The following CADM2 variants were observed in gnomAD, a reference collection of about 807,000 sequenced individuals.
CADM2 encodes the protein cell adhesion molecule 2.
A neutral mutation model predicts 49.8 loss-of-function variants in CADM2; 12 were observed. The observed-to-expected ratio is 0.24, with a 90% CI of 0.15 to 0.39. The LOEUF (loss-of-function observed/expected upper bound fraction) is 0.39, where lower values mean the gene tolerates loss of function less well. Ranked by LOEUF, CADM2 falls within the 10% of genes least tolerant of loss-of-function variation. The pLI is 1.00. For missense variants in CADM2, 378 were observed against 492.3 expected (o/e 0.77, Z 2.20); for synonymous variants, 214 against 175.4 (o/e 1.22, Z -1.74).
At chr3:85,398,130 A>G (rs933201868) in intron 1 of CADM2, among the ~76,000 whole-genome samples, 7 of 152,014 alleles carry the variant, frequency 4.6e-5, no homozygotes, top group East Asian at 1.9e-4. Flanking sequence ...AACATTAGGT[A>G]TATCTCCTAA....
intron 1 of CADM2, among the ~76,000 whole-genome samples, chr3:85,719,443 T>G (rs984521556): frequency 6.6e-6 from 1 of 152,198 alleles, no homozygotes; most frequent in Non-Finnish European, 1.5e-5. Context: ...TAGCCTGCTG[T>G]TGACTGGAAG....
chr3:85,744,863 G>A (rs2068550515), intron 2 of CADM2, among the ~76,000 whole-genome samples: 1 of 152,170 alleles, frequency 6.6e-6, no homozygotes, highest in Admixed American at 6.6e-5. Context: ...CTTTTACTCT[G>A]AGTGCAATGG....
intron 8 of CADM2, among the ~76,000 whole-genome samples, chr3:86,026,532 A>G (rs977540513): frequency 5.9e-5 from 9 of 152,090 alleles, no homozygotes; most frequent in South Asian, 2.1e-4. Flanking sequence ...TCACTCTCCA[A>G]TGATTTTGTT....
At chr3:85,679,636 A>C (rs2107653715) in intron 1 of CADM2, among the ~76,000 whole-genome samples, 1 of 152,210 alleles carries the variant, frequency 6.6e-6, no homozygotes, top group South Asian at 2.1e-4. Context: ...AACATGTTTG[A>C]CAATCTTTCC....
Position 85,866,555 on chromosome 3 carries a change from G to A in CADM2, c.239-16736G>A, listed in dbSNP as rs148622647. 3.7e-3 allele frequency among the ~76,000 whole-genome samples: 561 copies of A among 151,942 alleles called. 1 individual carries two copies. Among genetic ancestry groups the A allele is most frequent in the Admixed American group, 0.01 (154 of 15,226 alleles). On this transcript the variant is annotated intron_variant, in intron 3 of 9. Coordinates refer to ENST00000383699, the MANE Select transcript of CADM2 (RefSeq NM_001167675.2). ...TCACCTACGTATTTTATATCTGTAC[G>A]TTTAGTCTCCTTCAAATAAATTGCA...
At chr3:85,333,662 T>G (rs1444274330) in intron 1 of CADM2, among the ~76,000 whole-genome samples, 6 of 151,850 alleles carry the variant, frequency 4.0e-5, no homozygotes, top group Non-Finnish European at 8.9e-5. Flanking sequence ...CAATTGCTAT[T>G]TAAAATAGTT....
intron 2 of CADM2, 64 bp from the exon 3 acceptor site, chr3:85,801,983 A>T: frequency 7.1e-7 from 1 of 1,404,482 alleles, no homozygotes. Context: ...GCCAGTGTAG[A>T]TCTTAGGCAG....
At chr3:85,771,815 TATA>T (rs1263177813) in intron 2 of CADM2, among the ~76,000 whole-genome samples, 1 of 152,042 alleles carries the variant, frequency 6.6e-6, no homozygotes, top group Non-Finnish European at 1.5e-5. Flanking sequence ...ATGGCCGATC[TATA>T]ATGAGCTGAA....
intron 1 of CADM2, among the ~76,000 whole-genome samples, chr3:85,532,932 C>G (rs2061347497): frequency 6.6e-6 from 1 of 152,106 alleles, no homozygotes; most frequent in Non-Finnish European, 1.5e-5. Context: ...CATGTTCTCA[C>G]TTGTAAGTGG....
chr3:85,551,974 A>G (rs188418424), intron 1 of CADM2, among the ~76,000 whole-genome samples: 2 of 151,128 alleles, frequency 1.3e-5, no homozygotes, highest in East Asian at 3.9e-4. Context: ...TTGTGATTAT[A>G]TACACTTTTT....
chr3:85,169,225 C>G (rs373957840), intron 1 of CADM2, among the ~76,000 whole-genome samples: 1 of 152,066 alleles, frequency 6.6e-6, no homozygotes, highest in East Asian at 1.9e-4. Flanking sequence ...AACTCTTGAA[C>G]TCAAGTGATC....
intron 1 of CADM2, among the ~76,000 whole-genome samples, chr3:85,569,389 T>G (rs1459950846): frequency 6.6e-6 from 1 of 152,138 alleles, no homozygotes; most frequent in Non-Finnish European, 1.5e-5. Context: ...TTGGGGTTAT[T>G]AAGAATAAAG....
At chr3:85,873,984 A>G (rs1323028615) in intron 3 of CADM2, among the ~76,000 whole-genome samples, 1 of 152,072 alleles carries the variant, frequency 6.6e-6, no homozygotes, top group East Asian at 1.9e-4. Context: ...TGGCAATGAA[A>G]AATATTAAAC....
chr3:85,141,856 T>C (rs534974894), intron 1 of CADM2, among the ~76,000 whole-genome samples: 2 of 152,316 alleles, frequency 1.3e-5, no homozygotes, highest in Admixed American at 6.5e-5. Flanking sequence ...GATCACTTGC[T>C]GTGTGCACCC....
chr3:85,532,595 G>A (rs565395188), intron 1 of CADM2, among the ~76,000 whole-genome samples: 4 of 152,170 alleles, frequency 2.6e-5, no homozygotes, highest in East Asian at 1.9e-4. Context: ...GGTGGCAAAT[G>A]GCAGGAGAAA....
intron 1 of CADM2, among the ~76,000 whole-genome samples, chr3:85,362,992 C>T (rs888718346): frequency 1.3e-5 from 2 of 152,146 alleles, no homozygotes; most frequent in African/African-American, 4.8e-5. Context: ...CTTGTGCTGA[C>T]ATGGTGTCAT....
intron 3 of CADM2, among the ~76,000 whole-genome samples, chr3:85,880,839 T>C (rs1317336183): frequency 6.6e-6 from 1 of 152,214 alleles, no homozygotes; most frequent in Non-Finnish European, 1.5e-5. Context: ...AAGTTTCCTC[T>C]TGATGTATCT....
intron 8 of CADM2, among the ~76,000 whole-genome samples, chr3:86,053,032 A>C (rs780356564): frequency 6.6e-6 from 1 of 152,130 alleles, no homozygotes; most frequent in Non-Finnish European, 1.5e-5. Context: ...TAAATAGCCA[A>C]ATCTCCAAGG....
rs977025661 is a variant in CADM2 at position 85,075,013 on chromosome 3, A to G, written c.61+115345A>G. Among the ~76,000 whole-genome samples the G allele has an allele frequency of 3.3e-5, 5 of 152,222 alleles. 1 individual carries two copies. Among genetic ancestry groups the G allele is most frequent in the African/African-American group, 2.4e-5 (1 of 41,564 alleles). Reference sequence around the variant, plus strand: ...CTCAGTAAGCAACCTGATGCTGTACATATTTGCAAGGTTTTGCACTCCAAG... The same window carrying G: ...CTCAGTAAGCAACCTGATGCTGTACGTATTTGCAAGGTTTTGCACTCCAAG... On this transcript the variant is annotated intron_variant, in intron 1 of 9. Coordinates refer to ENST00000383699, the MANE Select transcript of CADM2 (RefSeq NM_001167675.2).
Sources: allele counts gnomAD v4.1 joint callset (sites outside exome capture counted in the v4.1 genomes callset), GRCh38; gene constraint gnomAD v4.1.1; transcripts MANE v1.5; gene names NCBI Gene and HGNC (gene_info 2026-07-23, HGNC 2026-07-21).